The following KAT6A variants were observed in gnomAD, a reference collection of about 807,000 sequenced individuals.
The protein encoded by KAT6A is lysine acetyltransferase 6A, also known as histone acetyltransferase KAT6A.
Under a neutral mutation model 198.4 loss-of-function variants are expected in KAT6A, and 9 were observed. The ratio of observed to expected loss-of-function variants is 0.05; its 90% confidence interval spans 0.03 to 0.08. The LOEUF (loss-of-function observed/expected upper bound fraction) is 0.08, where lower values mean the gene tolerates loss of function less well. KAT6A is among the 10% of genes least tolerant of loss of function. KAT6A has a pLI of 1.00. For synonymous variants in KAT6A, 890 were observed against 883.0 expected (o/e 1.01, Z -0.14); for missense variants, 2,077 against 2,509.9 (o/e 0.83, Z 3.69).
intron 3 of KAT6A, among the ~76,000 whole-genome samples, chr8:41,982,396 A>G (rs1367157629): frequency 2.0e-5 from 3 of 152,186 alleles, no homozygotes; most frequent in Non-Finnish European, 2.9e-5. Context: ...TTTATGTCTC[A>G]GTTTATACCC....
chr8:42,015,515 G>A (rs1414640853), intron 2 of KAT6A, among the ~76,000 whole-genome samples: 3 of 152,180 alleles, frequency 2.0e-5, no homozygotes, highest in Non-Finnish European at 2.9e-5. Context: ...CCTTCAAGGC[G>A]CTTACAAATT....
rs535316049 is a variant in KAT6A, at chr8:42,038,750, T to C, written c.600+9628A>G. Reference sequence around the variant, plus strand: ...AGATACAAGTCTTTTTTTCTAATAATCTATGTTTCGTAAGCATAATACAAT... The same window carrying C: ...AGATACAAGTCTTTTTTTCTAATAACCTATGTTTCGTAAGCATAATACAAT... On this transcript the variant is annotated intron_variant, in intron 2 of 16. Transcript: ENST00000265713. Among the ~76,000 whole-genome samples, 250 of 152,312 alleles carry C rather than the reference T, an allele frequency of 1.6e-3. 2 individuals are homozygous for C. In the Middle Eastern group the frequency reaches 0.02, roughly 12 times the overall value.
chr8:42,015,263 C>T (rs761638670), intron 2 of KAT6A, among the ~76,000 whole-genome samples: 2 of 152,190 alleles, frequency 1.3e-5, no homozygotes, highest in South Asian at 2.1e-4. Flanking sequence ...AGCAGAGTTG[C>T]AATCTATAGC....
chr8:41,973,613 A>T (rs937968516), intron 8 of KAT6A, among the ~76,000 whole-genome samples: 1 of 152,136 alleles, frequency 6.6e-6, no homozygotes, highest in African/African-American at 2.4e-5. Context: ...AAATGAACAT[A>T]ATCTGGAAGA....
At chr8:41,974,668 G>T (rs757657697) in intron 8 of KAT6A, 36 bp downstream of exon 8, 1 of 1,276,704 alleles carries the variant, frequency 7.8e-7, no homozygotes, top group Admixed American at 1.8e-5. Context: ...CCATGAACAA[G>T]TTGCTTGATT....
chr8:41,968,165 A>G (rs1823604532), intron 8 of KAT6A, among the ~76,000 whole-genome samples: 1 of 152,228 alleles, frequency 6.6e-6, no homozygotes, highest in Admixed American at 6.5e-5. Context: ...AGCAAAAGAA[A>G]CTACCATCAG....
In KAT6A at chr8:41,934,464, G is replaced by A; in HGVS notation, c.3756C>T (p.Ala1252=). 1.2e-6 allele frequency: 2 copies of A among 1,607,950 alleles called. No individual in the cohort carries two copies. Among genetic ancestry groups the A allele is most frequent in the Non-Finnish European group, 1.7e-6 (2 of 1,176,864 alleles). The change falls in exon 17 of 17, where the codon GCC becomes GCT. Residue 1252 remains alanine (A), a synonymous_variant. Coordinates refer to ENST00000265713, the MANE Select transcript of KAT6A (RefSeq NM_006766.5). The stretch of plus-strand genomic sequence containing the variant: ...GACTATTGCTGCTGTCTGCTGGAGA[G>A]GCTGCTGGGACTTCACTGCTGGCTG... ...EDAASSEVPA[A]SPADSSNSPE... is the part of the protein sequence containing the mutation.
intron 2 of KAT6A, among the ~76,000 whole-genome samples, chr8:42,026,420 ATTTG>A (rs1826813821): frequency 6.6e-6 from 1 of 152,028 alleles, no homozygotes; most frequent in Non-Finnish European, 1.5e-5. Flanking sequence ...ATGTCTTCCC[ATTTG>A]TTTGTGTCCT....
chr8:41,954,278 G>C (rs1822819572), intron 9 of KAT6A, among the ~76,000 whole-genome samples: 1 of 152,170 alleles, frequency 6.6e-6, no homozygotes, highest in Non-Finnish European at 1.5e-5. Flanking sequence ...CCTATTCCTA[G>C]TTTCTTGGCA....
At chr8:41,986,098 G>A (rs1352500260) in intron 3 of KAT6A, among the ~76,000 whole-genome samples, 1 of 152,048 alleles carries the variant, frequency 6.6e-6, no homozygotes, top group Non-Finnish European at 1.5e-5. Flanking sequence ...GAACCACCAC[G>A]CCCAGCTAAT....
At chr8:42,044,953 C>T (rs550509738) in intron 2 of KAT6A, among the ~76,000 whole-genome samples, 3 of 152,204 alleles carry the variant, frequency 2.0e-5, no homozygotes, top group South Asian at 2.1e-4. Flanking sequence ...CAACTGACTG[C>T]GTAGTTCGAA....
rs1305884817 is a variant in KAT6A at position 41,967,275 on chromosome 8, ATTTATTT to A, written c.1482+7422_1482+7428del. On this transcript the variant is annotated intron_variant, in intron 8 of 16. Coordinates refer to ENST00000265713, the MANE Select transcript of KAT6A (RefSeq NM_006766.5). ...CGTCTTTCTTTTTTTAAAAAAAAAA[ATTTATTT>A]ATTTATTTATTTATTTATTTATTTT... 7.8e-3 allele frequency among the ~76,000 whole-genome samples: 137 copies of A among 17,598 alleles called. 5 individuals carry two copies. The East Asian group carries it at 0.1, about 13-fold the overall frequency. The allele number at this position is 17,598 out of a possible 152,430, so 11.5% of individuals were successfully genotyped here.
chr8:41,969,777 T>TGCTCACCTTAC (rs967318807), intron 8 of KAT6A, among the ~76,000 whole-genome samples: 2 of 152,158 alleles, frequency 1.3e-5, no homozygotes, highest in African/African-American at 4.8e-5. Flanking sequence ...CTTCACCTTA[T>TGCTCACCTTAC]GCAACTCTTC....
In KAT6A at chr8:41,929,935, T is replaced by G. The variant is rs903973030; in HGVS notation, c.*2270A>C. ...CACTAACAGTGAGTTTTTAAATTTC[T>G]TTTTTAGAAGATTACCCAAGTTATC... On this transcript the variant is annotated 3_prime_UTR_variant, in exon 17 of 17. Coordinates refer to ENST00000265713, the MANE Select transcript of KAT6A (RefSeq NM_006766.5). 1.4e-5 allele frequency: 3 copies of G among 217,610 alleles called. No homozygotes were observed. The highest frequency in any genetic ancestry group is 2.2e-5 in the African/African-American group (1 of 44,480). 13.5% of individuals were successfully genotyped at this position (217,610 alleles called of 1,614,324 possible).
At chr8:42,026,286 T>C (rs1826808090) in intron 2 of KAT6A, among the ~76,000 whole-genome samples, 1 of 152,202 alleles carries the variant, frequency 6.6e-6, no homozygotes, top group Non-Finnish European at 1.5e-5. Flanking sequence ...ATTTTAGGAT[T>C]GTTTTTTCTA....
At position 41,930,583 on chromosome 8, in the gene KAT6A, T is replaced by C. The variant is rs1456287073; in HGVS notation, c.*1622A>G. ...GGAGAGAATTTAATGCTTACAGATA[T>C]TTCTCTAAGCAGTACTTCCCCCTTT... is the stretch of plus-strand genomic sequence containing the variant. On this transcript the variant is annotated 3_prime_UTR_variant, in exon 17 of 17. Coordinates refer to ENST00000265713, the MANE Select transcript of KAT6A (RefSeq NM_006766.5). The C allele has an allele frequency of 2.1e-5, 4 of 186,412 alleles. No individual in the cohort carries two copies. In the South Asian group the frequency reaches 5.9e-4, roughly 27 times the overall value. The allele number at this position is 186,412 out of a possible 1,614,324, so 11.5% of individuals were successfully genotyped here.
chr8:41,990,817 C>G (rs1448569976), intron 2 of KAT6A, among the ~76,000 whole-genome samples: 1 of 151,934 alleles, frequency 6.6e-6, no homozygotes, highest in African/African-American at 2.4e-5. Context: ...CATGGTAAAA[C>G]CCCGTCTCTA....
chr8:41,933,248 G>A lies in KAT6A; in HGVS notation c.4972C>T (p.Gln1658Ter). The change falls in exon 17 of 17, where the codon CAG becomes TAG. Residue 1658 changes from glutamine (Q) to a stop codon, truncating the protein, a stop_gained. Transcript: ENST00000265713. LOFTEE classifies it high-confidence loss of function. The surrounding 1 kb of genome is among the most constrained non-coding windows in gnomAD (Gnocchi z 6.2). ...GGTTGTGGCGGCGGCGGCTGTGGCT[G>A]CTGTGGAGGCGGTGGTGGCGGCTGC... Reference protein sequence around the residue: ...QQQPPPPPPQQPQPPPPQPQP... With the variant: ...QQQPPPPPPQ 1 of 1,549,480 alleles carries A rather than the reference G, an allele frequency of 6.5e-7. No homozygotes were observed. Among genetic ancestry groups the A allele is most frequent in the Non-Finnish European group, 8.7e-7 (1 of 1,150,672 alleles).
chr8:41,990,994 C>CAAAAA (rs61543371), intron 2 of KAT6A, among the ~76,000 whole-genome samples: 1 of 80,734 alleles, frequency 1.2e-5, no homozygotes, highest in Non-Finnish European at 2.3e-5. Flanking sequence ...GACTCCGTCT[C>CAAAAA]AAAAAAAAAA....
Sources: allele counts gnomAD v4.1 joint callset (sites outside exome capture counted in the v4.1 genomes callset), GRCh38; gene constraint gnomAD v4.1.1; non-coding constraint Gnocchi (gnomAD v3.1); transcripts MANE v1.5; gene names NCBI Gene and HGNC (gene_info 2026-07-23, HGNC 2026-07-21).